NEBL: variants seen among roughly 807,000 people sequenced by gnomAD.
NEBL encodes nebulette, also known as LIM and SH3 protein 2.
Under a neutral mutation model 140.2 loss-of-function variants are expected in NEBL, and 122 were observed. The ratio of observed to expected loss-of-function variants is 0.87; its 90% confidence interval spans 0.75 to 1.01. The LOEUF (loss-of-function observed/expected upper bound fraction) is 1.01. Among genes scored for constraint, NEBL ranks in the 50% least tolerant of loss-of-function variants. The pLI is 0.00. For synonymous variants in NEBL, 436 were observed against 398.9 expected (o/e 1.09, Z -1.11); for missense variants, 1,365 against 1,231.3 (o/e 1.11, Z -1.62).
chr10:20,987,543 C>T (rs114731102), intron 3 of NEBL, among the ~76,000 whole-genome samples: 1,703 of 152,252 alleles, frequency 0.011, 29 homozygotes, highest in African/African-American at 0.039. Flanking sequence ...ACACTATATC[C>T]TCCACTCAGC....
At chr10:21,231,423 C>A (rs1842247950) in intron 3 of NEBL, among the ~76,000 whole-genome samples, 1 of 152,030 alleles carries the variant, frequency 6.6e-6, no homozygotes, top group Non-Finnish European at 1.5e-5. Flanking sequence ...GCCTGTAATC[C>A]CAGCTACTCG....
At chr10:21,147,320 G>T (rs1306760410) in intron 2 of NEBL, among the ~76,000 whole-genome samples, 2 of 151,414 alleles carry the variant, frequency 1.3e-5, no homozygotes, top group Admixed American at 1.3e-4. Flanking sequence ...AGAAGAAGGG[G>T]TCCTCATCAG....
chr10:21,129,016 A>G lies in NEBL; in HGVS notation c.164+43367T>C, dbSNP rs1838975132. Among the ~76,000 whole-genome samples, 2 of 152,220 alleles carry G rather than the reference A, an allele frequency of 1.3e-5. 1 individual carries two copies. Among genetic ancestry groups the G allele is most frequent in the African/African-American group, 4.8e-5 (2 of 41,466 alleles). On this transcript the variant is annotated intron_variant, in intron 2 of 6. Coordinates refer to the NEBL transcript ENST00000417816. ...TCAGTGTGTGGTTCCACATGTAAGC[A>G]GTTTGGAAGCCACCACTCTAGAATT...
intron 1 of NEBL, among the ~76,000 whole-genome samples, chr10:21,279,340 T>G (rs1842963406): frequency 1.4e-5 from 2 of 146,824 alleles, no homozygotes; most frequent in Non-Finnish European, 3.0e-5. Context: ...CTCTGTTGCC[T>G]AGGGTGGAGT....
In NEBL at chr10:20,781,151, T is replaced by C. The variant is rs1835014321; in HGVS notation, c.*4596A>G. The C allele has an allele frequency of 6.5e-6, 1 of 152,688 alleles. No individual in the cohort carries two copies. The highest frequency in any genetic ancestry group is 1.9e-4 in the East Asian group (1 of 5,190). 9.5% of individuals were successfully genotyped at this position (152,688 alleles called of 1,614,324 possible). On this transcript the variant is annotated 3_prime_UTR_variant, in exon 28 of 28. Transcript: ENST00000377122. ...CAGTGTAGAGGAAAAAAATATGAAT[T>C]AAAGCATTTCTACTAAAATATATTT...
chr10:20,817,745 A>G lies in NEBL; in HGVS notation c.2056-53T>C, dbSNP rs1838874772. The G allele has an allele frequency of 6.5e-6, 9 of 1,385,568 alleles. No individual in the cohort carries two copies. The East Asian group carries it at 1.6e-4, about 25-fold the overall frequency. 85.8% of individuals were successfully genotyped at this position (1,385,568 alleles called of 1,614,324 possible). A position where few individuals can be genotyped will look rare whatever the true frequency, so the allele number is the denominator to read the frequency against. On this transcript the variant is annotated intron_variant, in intron 20 of 27. Transcript: ENST00000377122. ...AGATAGCACAATGGGCTCCACTGAA[A>G]TACCACAAAGGACAAGGCTCAAAAT... is the stretch of plus-strand genomic sequence containing the variant.
chr10:21,249,100 T>C (rs1327131130), intron 2 of NEBL, among the ~76,000 whole-genome samples: 1 of 152,048 alleles, frequency 6.6e-6, no homozygotes, highest in Non-Finnish European at 1.5e-5. Context: ...ATGATCATAG[T>C]TCACTCCAGC....
intron 3 of NEBL, among the ~76,000 whole-genome samples, chr10:21,219,777 A>G (rs1412983252): frequency 1.3e-5 from 2 of 150,500 alleles, no homozygotes; most frequent in African/African-American, 4.9e-5. Context: ...AATATTTTAC[A>G]GTTTCCAGTG....
At chr10:20,901,121 T>A (rs969176615), upstream of NEBL, among the ~76,000 whole-genome samples, 12 of 152,160 alleles carry the variant, frequency 7.9e-5, no homozygotes, top group African/African-American at 2.9e-4. Flanking sequence ...TGAAAAACAT[T>A]TGGCATGAAA....
At chr10:20,952,904 C>CAA (rs34713711) in intron 4 of NEBL, among the ~76,000 whole-genome samples, 17,492 of 62,156 alleles carry the variant, frequency 0.28, 2,928 homozygotes, top group Non-Finnish European at 0.32. Flanking sequence ...GACCCTGTCT[C>CAA]AAAAAAAAAA....
chr10:21,019,980 T>A, intron 3 of NEBL: 1 of 770,478 alleles, frequency 1.3e-6, no homozygotes, highest in South Asian at 1.4e-5. Context: ...CACCCGGAAT[T>A]CCCACACAGG....
At chr10:21,272,820 C>T (rs1264664312) in intron 1 of NEBL, among the ~76,000 whole-genome samples, 2 of 152,114 alleles carry the variant, frequency 1.3e-5, no homozygotes, top group African/African-American at 4.8e-5. Flanking sequence ...TTATCTTCCT[C>T]CTCCCTGGAC....
At chr10:20,926,936 C>T (rs1033420591) in intron 4 of NEBL, among the ~76,000 whole-genome samples, 9 of 152,100 alleles carry the variant, frequency 5.9e-5, no homozygotes. Flanking sequence ...AGACAAAGGC[C>T]CCTCTCCTAA....
At chr10:20,951,177 T>C (rs1835443917) in intron 4 of NEBL, among the ~76,000 whole-genome samples, 1 of 152,098 alleles carries the variant, frequency 6.6e-6, no homozygotes, top group Non-Finnish European at 1.5e-5. Context: ...ATCAAAAATA[T>C]AAAGAAGCAA....
intron 2 of NEBL, among the ~76,000 whole-genome samples, chr10:21,104,414 C>A (rs1399389371): frequency 6.6e-6 from 1 of 152,132 alleles, no homozygotes; most frequent in Non-Finnish European, 1.5e-5. Flanking sequence ...TTTCCAGCAA[C>A]ATTTTGTAGT....
chr10:21,121,910 C>T (rs1349566983), intron 2 of NEBL, among the ~76,000 whole-genome samples: 1 of 152,078 alleles, frequency 6.6e-6, no homozygotes, highest in East Asian at 1.9e-4. Flanking sequence ...AAGCAAAACG[C>T]TATCAAAATT....
intron 3 of NEBL, among the ~76,000 whole-genome samples, chr10:21,214,406 GA>G (rs2132238222): frequency 6.6e-6 from 1 of 152,136 alleles, no homozygotes; most frequent in East Asian, 1.9e-4. Flanking sequence ...AACAAGAAGA[GA>G]AGAAAGGAAA....
At chr10:20,832,660 TTTC>T (rs1340771189) in intron 14 of NEBL, among the ~76,000 whole-genome samples, 1 of 152,206 alleles carries the variant, frequency 6.6e-6, no homozygotes, top group Non-Finnish European at 1.5e-5. Flanking sequence ...AAAACAATTA[TTTC>T]TTATTATGCT....
At chr10:21,004,868 G>A (rs1838065062) in intron 3 of NEBL, among the ~76,000 whole-genome samples, 2 of 152,186 alleles carry the variant, frequency 1.3e-5, no homozygotes, top group Non-Finnish European at 2.9e-5. Context: ...AGACTATTTG[G>A]AGAAACACTG....
Sources: allele counts gnomAD v4.1 joint callset (sites outside exome capture counted in the v4.1 genomes callset), GRCh38; gene constraint gnomAD v4.1.1; transcripts MANE v1.5; gene names NCBI Gene and HGNC (gene_info 2026-07-23, HGNC 2026-07-21).